Variants in CDC25C observed in about 807,000 individuals in gnomAD.
CDC25C encodes cell division cycle 25C.
A neutral mutation model predicts 52.5 loss-of-function variants in CDC25C; 48 were observed. The ratio of observed to expected loss-of-function variants is 0.91; its 90% confidence interval spans 0.72 to 1.16. CDC25C has a LOEUF of 1.16. Among genes scored for constraint, CDC25C ranks in the 50% most tolerant of loss-of-function variants. CDC25C has a pLI of 0.00. For synonymous variants in CDC25C, 187 were observed against 206.5 expected (o/e 0.91, Z 0.81); for missense variants, 510 against 566.1 (o/e 0.90, Z 1.01).
At chr5:138,315,557 A>G (rs1020894339) in intron 7 of CDC25C, among the ~76,000 whole-genome samples, 9 of 152,364 alleles carry the variant, frequency 5.9e-5, no homozygotes, top group Non-Finnish European at 1.2e-4. Flanking sequence ...GAGGATTACC[A>G]CAATGAAATT....
chr5:138,337,881 C>T, intron 1 of CDC25C: 1 of 1,088,838 alleles, frequency 9.2e-7, no homozygotes, highest in Admixed American at 2.7e-5. Context: ...AATTGCGTGA[C>T]GCGGCCCGAA....
intron 12 of CDC25C, 24 bp from the exon 13 acceptor site, chr5:138,286,157 G>A (rs368574566): frequency 6.4e-7 from 1 of 1,570,816 alleles, no homozygotes; most frequent in Non-Finnish European, 8.7e-7. Context: ...CCAGAGATGG[G>A]TGGGGTGGAA....
intron 3 of CDC25C, among the ~76,000 whole-genome samples, chr5:138,329,255 G>A (rs1443568874): frequency 6.6e-6 from 1 of 152,078 alleles, no homozygotes; most frequent in East Asian, 1.9e-4. Flanking sequence ...ATTAGACTGA[G>A]GCACAAAACT....
At chr5:138,305,974 T>A (rs1324948993) in intron 7 of CDC25C, among the ~76,000 whole-genome samples, 2 of 152,192 alleles carry the variant, frequency 1.3e-5, no homozygotes, top group Non-Finnish European at 2.9e-5. Flanking sequence ...GTAGCAAATA[T>A]CCATGAGCAG....
intron 7 of CDC25C, among the ~76,000 whole-genome samples, chr5:138,307,772 C>T (rs760974579): frequency 6.6e-6 from 1 of 151,998 alleles, no homozygotes; most frequent in Non-Finnish European, 1.5e-5. Context: ...AAACAAAAAT[C>T]AAATAAATAC....
rs771866288 is a variant in CDC25C at position 138,331,187 on chromosome 5, C to G, written c.-7G>C. 1.2e-6 allele frequency: 2 copies of G among 1,613,826 alleles called. No individual in the cohort carries two copies. Among genetic ancestry groups the G allele is most frequent in the Non-Finnish European group, 1.7e-6 (2 of 1,179,776 alleles). On this transcript the variant is annotated 5_prime_UTR_variant, in exon 2 of 14. Transcript: ENST00000323760. ...AGAAGAGTTCCGTAGACATGGTCTTCGAATTCTCACCAGGAGAAAAACAAA... is the reference window on the plus strand; with the variant it reads ...AGAAGAGTTCCGTAGACATGGTCTTGGAATTCTCACCAGGAGAAAAACAAA...
At chr5:138,320,062 T>G (rs1759230097) in intron 6 of CDC25C, among the ~76,000 whole-genome samples, 1 of 152,198 alleles carries the variant, frequency 6.6e-6, no homozygotes, top group Admixed American at 6.5e-5. Context: ...ATCCCAGTAC[T>G]TCGGGAGGCC....
At chr5:138,338,307 G>A (rs1276240436) in exon 1 of CDC25C, 4 of 570,692 alleles carry the variant, frequency 7.0e-6, no homozygotes, top group Non-Finnish European at 6.0e-6. Flanking sequence ...GAGGAACCGC[G>A]GTAGGTGGTG....
In CDC25C at chr5:138,285,911, T is replaced by C. The variant is rs1400330979; in HGVS notation, c.1273-70A>G. 7.0e-6 allele frequency: 11 copies of C among 1,565,010 alleles called. No individual in the cohort carries two copies. The East Asian group carries it at 1.8e-4, about 26-fold the overall frequency. ...CTCTACCTATGAAGGATAATAGAGATGCTGCTGCTGGCAGTGGCTAAGGAG... is the reference window on the plus strand; with the variant it reads ...CTCTACCTATGAAGGATAATAGAGACGCTGCTGCTGGCAGTGGCTAAGGAG... On this transcript the variant is annotated intron_variant, in intron 13 of 13. Coordinates refer to ENST00000323760, the MANE Select transcript of CDC25C (RefSeq NM_001790.5).
In CDC25C at chr5:138,331,050, T is replaced by C; in HGVS notation, c.131A>G (p.Asp44Gly). The C allele has an allele frequency of 6.2e-7, 1 of 1,614,188 alleles. No homozygotes were observed. Among genetic ancestry groups the C allele is most frequent in the Non-Finnish European group, 8.5e-7 (1 of 1,180,024 alleles). The change falls in exon 2 of 14, where the codon GAT becomes GGT. Residue 44 changes from aspartate to glycine, a missense_variant. Physicochemically the swap from Asp to Gly is moderately conservative, Grantham distance 94 (BLOSUM62 -1). Transcript: ENST00000323760. Reference sequence around the variant, plus strand: ...TTTGCCCACTGGAGTTCTAGGGACATCTGGACAGACGGTAAAGGAAGTGTC... The same window carrying C: ...TTTGCCCACTGGAGTTCTAGGGACACCTGGACAGACGGTAAAGGAAGTGTC... The part of the protein sequence containing the change: ...ERDTSFTVCP[D>G]VPRTPVGKFL...
At chr5:138,299,193 G>GAAA (rs1161142032) in intron 7 of CDC25C, among the ~76,000 whole-genome samples, 1 of 74,882 alleles carries the variant, frequency 1.3e-5, no homozygotes, top group African/African-American at 6.2e-5. Context: ...ACTCTGTCTG[G>GAAA]AAAAAAAAAA....
intron 6 of CDC25C, among the ~76,000 whole-genome samples, chr5:138,325,317 G>A (rs952560360): frequency 9.9e-5 from 15 of 152,098 alleles, no homozygotes; most frequent in Non-Finnish European, 1.6e-4. Flanking sequence ...AGGTGGCTCC[G>A]GAGAGGCTAG....
In CDC25C at chr5:138,325,901, G is replaced by A; in HGVS notation, c.373C>T (p.Gln125Ter). The change falls in exon 6 of 14, where the codon CAG becomes TAG. Residue 125 changes from glutamine to a stop codon, truncating the protein, a stop_gained. Coordinates refer to ENST00000323760, the MANE Select transcript of CDC25C (RefSeq NM_001790.5). LOFTEE classifies it high-confidence loss of function. ...CCATTCGGAGTGCTACAAAGAAGCT[G>A]TGCCTAAAAAAGAGAGTTTGCTGAG... ...DQHLMKCSPAQLLCSTPNGLD... is the reference protein window; with the variant it reads ...DQHLMKCSPA The A allele has an allele frequency of 6.2e-7, 1 of 1,614,034 alleles. No individual in the cohort carries two copies. The highest frequency in any genetic ancestry group is 1.7e-4 in the Middle Eastern group (1 of 6,060).
chr5:138,293,212 C>T lies in CDC25C; in HGVS notation c.616-1096G>A, dbSNP rs547963225. Among the ~76,000 whole-genome samples the T allele has an allele frequency of 9.3e-4, 141 of 152,270 alleles. 3 individuals are homozygous for T. The South Asian group carries it at 0.018, about 19-fold the overall frequency. ...CCCTATGTCCCCATCCACCCTACCC[C>T]CCAGACACTGATGACTGGACCATAT... is the stretch of plus-strand genomic sequence containing the variant. On this transcript the variant is annotated intron_variant, in intron 7 of 13. Transcript: ENST00000323760.
At chr5:138,335,512 C>G (rs1359821037), upstream of CDC25C, 1 of 152,176 alleles carries the variant, frequency 6.6e-6, no homozygotes, top group Non-Finnish European at 1.5e-5. Flanking sequence ...CCCACTGGAG[C>G]AGGGTCACAG....
At position 138,292,109 on chromosome 5, in the gene CDC25C, C is replaced by T. The variant is rs780168277; in HGVS notation, c.623G>A (p.Arg208Lys). Residue 208 changes from arginine to lysine, a missense_variant, in exon 8 of 14, where the codon AGA becomes AAA. Coordinates refer to ENST00000323760, the MANE Select transcript of CDC25C (RefSeq NM_001790.5). ...SLKDQEAKVS[R>K]SGLYRSPSMP... ...CGACGGGGAGCGATATAGGCCACTT[C>T]TGCTCACCTGTTTGGGAATATTAAA... 1.4e-5 allele frequency: 23 copies of T among 1,611,546 alleles called. No individual in the cohort carries two copies. The highest frequency in any genetic ancestry group is 1.9e-5 in the Non-Finnish European group (22 of 1,178,782).
At chr5:138,309,715 ATTTTTT>A (rs56020082) in intron 7 of CDC25C, among the ~76,000 whole-genome samples, 5 of 132,866 alleles carry the variant, frequency 3.8e-5, no homozygotes, top group African/African-American at 1.4e-4. Flanking sequence ...GGCTCTCAAA[ATTTTTT>A]TTTTTTTTTT....
At chr5:138,317,306 T>C (rs1317426906) in intron 7 of CDC25C, among the ~76,000 whole-genome samples, 2 of 152,126 alleles carry the variant, frequency 1.3e-5, no homozygotes, top group Non-Finnish European at 2.9e-5. Flanking sequence ...CACTATACCA[T>C]ACTGGCCTTG....
intron 7 of CDC25C, among the ~76,000 whole-genome samples, chr5:138,311,630 C>G (rs998488459): frequency 6.6e-6 from 1 of 151,936 alleles, no homozygotes; most frequent in South Asian, 2.1e-4. Context: ...GGGGGAGGCA[C>G]ATGACATTGA....
Sources: gnomAD v4.1 joint callset for allele counts (sites outside exome capture counted in the v4.1 genomes callset) on GRCh38, gnomAD v4.1.1 for gene constraint, MANE v1.5 for transcripts, NCBI Gene and HGNC (gene_info 2026-07-23, HGNC 2026-07-21) for gene names.